Variants in SYS1 observed in about 807,000 individuals in gnomAD.
SYS1 encodes SYS1 golgi trafficking protein.
A neutral mutation model predicts 17.8 loss-of-function variants in SYS1; 8 were observed. That is an observed-to-expected ratio of 0.45 (90% CI 0.26 to 0.81). The LOEUF is 0.81. Ranked by LOEUF, SYS1 falls within the 40% of genes least tolerant of loss-of-function variation. SYS1 has a pLI of 0.16. For synonymous variants in SYS1, 95 were observed against 90.9 expected (o/e 1.05, Z -0.26); for missense variants, 161 against 203.9 (o/e 0.79, Z 1.28).
intron 1 of SYS1, 71 bp from the exon 2 acceptor site, chr20:45,363,458 C>G (rs1008241911): frequency 2.6e-5 from 39 of 1,508,470 alleles, no homozygotes; most frequent in Admixed American, 2.2e-4. Context: ...GGTTCCAGTC[C>G]CTCCTCCCGG....
downstream of SYS1, chr20:45,373,992 CTCG>C: frequency 1.2e-6 from 2 of 1,614,092 alleles, no homozygotes; most frequent in Non-Finnish European, 1.7e-6. Context: ...ACCTCTGGCT[CTCG>C]TCCAGGTCAC....
At chr20:45,364,411 G>T (rs1397925913) in intron 2 of SYS1, among the ~76,000 whole-genome samples, 2 of 150,374 alleles carry the variant, frequency 1.3e-5, no homozygotes, top group East Asian at 2.0e-4. Context: ...TGTAAAGGAG[G>T]CCTATAAGTT....
At chr20:45,365,723 T>C (rs1568917368) in intron 3 of SYS1, 37 bp downstream of exon 3, 3 of 1,594,622 alleles carry the variant, frequency 1.9e-6, no homozygotes, top group Non-Finnish European at 2.6e-6. Flanking sequence ...GCTTTTGGGC[T>C]CTTAGTGCTG....
chr20:45,363,444 C>A, intron 1 of SYS1, 85 bp from the exon 2 acceptor site: 1 of 1,491,406 alleles, frequency 6.7e-7, no homozygotes, highest in Non-Finnish European at 8.9e-7. Context: ...TGGGCTCACC[C>A]CTTGGTTCCA....
At chr20:45,369,748 C>A (rs567685600), downstream of SYS1, among the ~76,000 whole-genome samples, 1 of 151,820 alleles carries the variant, frequency 6.6e-6, no homozygotes, top group East Asian at 1.9e-4. Context: ...ACTATAGGCA[C>A]ATGCCACCAC....
chr20:45,363,828 G>A, intron 2 of SYS1, 135 bp downstream of exon 2: 1 of 964,556 alleles, frequency 1.0e-6, no homozygotes, highest in Non-Finnish European at 1.5e-6. Flanking sequence ...TCACCTTTCT[G>A]AGCCTCAGCT....
upstream of SYS1, chr20:45,363,133 C>T: frequency 9.8e-7 from 1 of 1,017,926 alleles, no homozygotes; most frequent in South Asian, 3.7e-5. Context: ...CCCGCCCCTC[C>T]GCTGCTTTCC....
intron 1 of SYS1, 38 bp downstream of exon 1, chr20:45,363,353 G>T: frequency 7.0e-7 from 1 of 1,426,064 alleles, no homozygotes. Context: ...ACGGGCGGGG[G>T]CCGCGCAGGC....
At chr20:45,371,906 AT>A, downstream of SYS1, among the ~76,000 whole-genome samples, 1 of 152,308 alleles carries the variant, frequency 6.6e-6, no homozygotes, top group Admixed American at 6.5e-5. Flanking sequence ...ATCAAGCTTG[AT>A]TTGCTTAAAC....
chr20:45,371,800 G>A (rs1309761472), downstream of SYS1, among the ~76,000 whole-genome samples: 1 of 152,226 alleles, frequency 6.6e-6, no homozygotes, highest in Non-Finnish European at 1.5e-5. Context: ...ATGGAGCCGG[G>A]ACTGACTGGC....
intron 2 of SYS1, among the ~76,000 whole-genome samples, chr20:45,363,900 G>A (rs896674700): frequency 2.0e-5 from 3 of 152,230 alleles, no homozygotes; most frequent in Admixed American, 6.5e-5. Flanking sequence ...GGGCCTGGAT[G>A]TTAATACAAT....
Position 45,368,225 on chromosome 20 carries a change from C to A in SYS1, c.*1110C>A, listed in dbSNP as rs1452897274. 6.1e-6 allele frequency: 6 copies of A among 985,270 alleles called. 1 individual carries two copies. The Admixed American group carries it at 1.8e-4, about 30-fold the overall frequency. 61.0% of individuals were successfully genotyped at this position (985,270 alleles called of 1,614,324 possible). On this transcript the variant is annotated 3_prime_UTR_variant, in exon 4 of 4. Transcript: ENST00000243918. ...AGGCCACCTTCTCCCTTTCCTGGAC[C>A]CCAGAGTCATTCCTCCATTTGGTTA... is the stretch of plus-strand genomic sequence containing the variant.
At chr20:45,370,531 C>T (rs1051353140), downstream of SYS1, among the ~76,000 whole-genome samples, 2 of 152,144 alleles carry the variant, frequency 1.3e-5, no homozygotes, top group Non-Finnish European at 2.9e-5. Context: ...CTAGGCAGCC[C>T]TGTCCATATC....
exon 4 of SYS1, chr20:45,375,678 C>G: frequency 8.3e-7 from 1 of 1,211,760 alleles, no homozygotes; most frequent in Non-Finnish European, 1.1e-6. Context: ...AGAAACTTCT[C>G]TACTGCCCAG....
Position 45,365,638 on chromosome 20 carries a change from C to A in SYS1, c.182C>A (p.Pro61His). ...CCTCAGATCCTGGGCTTTTCCACCC[C>A]TCCAGGCCGGCTCTCCATGATGTCC... ...FDAEILGFST[P>H]PGRLSMMSFI... Residue 61 changes from proline (P) to histidine (H), a missense_variant, in exon 3 of 4, where the codon CCT becomes CAT. Pro to His is a moderately conservative substitution (Grantham distance 77). Transcript: ENST00000243918. 6.2e-7 allele frequency: 1 copy of A among 1,614,168 alleles called. No homozygotes were observed.
At chr20:45,374,913 T>G (rs1041443004) in exon 4 of SYS1, 1 of 1,341,376 alleles carries the variant, frequency 7.5e-7, no homozygotes, top group Non-Finnish European at 1.0e-6. Context: ...AGGCGGAGCC[T>G]CCCAGCACTA....
intron 2 of SYS1, 129 bp downstream of exon 2, chr20:45,363,822 C>A: frequency 2.0e-6 from 2 of 1,012,630 alleles, no homozygotes; most frequent in Non-Finnish European, 2.8e-6. Flanking sequence ...GGGATTTCAC[C>A]TTTCTGAGCC....
downstream of SYS1, among the ~76,000 whole-genome samples, chr20:45,370,517 C>T (rs1363282630): frequency 3.3e-5 from 5 of 152,258 alleles, no homozygotes; most frequent in Non-Finnish European, 5.9e-5. Flanking sequence ...TCTAACCCCT[C>T]GCTCTAGGCA....
intron 3 of SYS1, among the ~76,000 whole-genome samples, chr20:45,366,144 G>A (rs781153071): frequency 7.9e-5 from 12 of 152,172 alleles, no homozygotes; most frequent in Non-Finnish European, 1.6e-4. Flanking sequence ...AAGGTGTCAG[G>A]CTCTGGAGGC....
Sources: allele counts gnomAD v4.1 joint callset (sites outside exome capture counted in the v4.1 genomes callset), GRCh38; gene constraint gnomAD v4.1.1; transcripts MANE v1.5; gene names NCBI Gene and HGNC (gene_info 2026-07-23, HGNC 2026-07-21).